EXOC2: variants seen among roughly 807,000 people sequenced by gnomAD.
EXOC2 encodes exocyst complex component 2, also known as SEC5-like 1.
Under a neutral mutation model 131.8 loss-of-function variants are expected in EXOC2, and 70 were observed. That is an observed-to-expected ratio of 0.53 (90% CI 0.44 to 0.65). The LOEUF is 0.65. Ranked by LOEUF, EXOC2 falls within the 30% of genes least tolerant of loss-of-function variation. EXOC2 has a pLI of 0.00. For missense variants in EXOC2, 923 were observed against 1,108.6 expected (o/e 0.83, Z 2.38); for synonymous variants, 411 against 398.4 (o/e 1.03, Z -0.38).
intron 22 of EXOC2, among the ~76,000 whole-genome samples, chr6:539,189 A>G (rs1766653853): frequency 6.6e-6 from 1 of 152,208 alleles, no homozygotes; most frequent in South Asian, 2.1e-4. Context: ...GTATTCAGAA[A>G]TAGACTTACT....
At chr6:546,765 A>C (rs1376262877) in intron 22 of EXOC2, among the ~76,000 whole-genome samples, 1 of 152,244 alleles carries the variant, frequency 6.6e-6, no homozygotes, top group Non-Finnish European at 1.5e-5. Flanking sequence ...ACAGTATGCA[A>C]TAGATAAACA....
intron 23 of EXOC2, among the ~76,000 whole-genome samples, chr6:512,880 T>C (rs757455366): frequency 2.0e-5 from 3 of 152,180 alleles, no homozygotes; most frequent in Admixed American, 1.3e-4. Flanking sequence ...TACAAGAATG[T>C]ATGTGAAAGC....
intron 26 of EXOC2, among the ~76,000 whole-genome samples, chr6:489,866 C>T (rs1055977393): frequency 1.3e-5 from 2 of 152,192 alleles, no homozygotes; most frequent in African/African-American, 4.8e-5. Flanking sequence ...GGGCAAGTGT[C>T]ACAGCAACAG....
intron 4 of EXOC2, among the ~76,000 whole-genome samples, chr6:625,313 G>A (rs149492188): frequency 6.6e-6 from 1 of 152,350 alleles, no homozygotes; most frequent in Non-Finnish European, 1.5e-5. Context: ...AGTGAGGCCT[G>A]GCTGCAGCGG....
chr6:638,414 T>C (rs1762201164), intron 1 of EXOC2, among the ~76,000 whole-genome samples: 1 of 152,230 alleles, frequency 6.6e-6, no homozygotes, highest in Non-Finnish European at 1.5e-5. Context: ...ATGAATTTGC[T>C]AGCTGTTGTG....
intron 17 of EXOC2, among the ~76,000 whole-genome samples, chr6:559,161 T>C (rs1458763876): frequency 1.3e-5 from 2 of 152,138 alleles, no homozygotes; most frequent in Non-Finnish European, 2.9e-5. Context: ...ATTATCCAAA[T>C]TGAAAAGAGG....
At chr6:594,032 G>A (rs993921072) in intron 10 of EXOC2, among the ~76,000 whole-genome samples, 1 of 152,222 alleles carries the variant, frequency 6.6e-6, no homozygotes, top group Non-Finnish European at 1.5e-5. Context: ...GCTGAGAGCT[G>A]CCATCTCCTC....
Position 617,835 on chromosome 6 carries a change from A to G in EXOC2, c.537T>C (p.Ser179=). 6.2e-7 allele frequency: 1 copy of G among 1,611,080 alleles called. No homozygotes were observed. Among genetic ancestry groups the G allele is most frequent in the South Asian group, 1.1e-5 (1 of 90,170 alleles). ...WYLIENHSNT[S]FEQLKMAVTN... is the part of the protein sequence containing the mutation. ...TGACTGCCATTTTGAGCTGCTCAAA[A>G]CTGAAATGAAATAAAGAAACCAAAG... Residue 179 remains serine, a splice_region_variant and synonymous_variant, in exon 6 of 28, where the codon AGT becomes AGC. Coordinates refer to ENST00000230449, the MANE Select transcript of EXOC2 (RefSeq NM_018303.6).
chr6:521,986 T>C (rs1581360454), intron 23 of EXOC2, among the ~76,000 whole-genome samples: 2 of 152,184 alleles, frequency 1.3e-5, no homozygotes, highest in African/African-American at 4.8e-5. Flanking sequence ...CAAGGGTAAA[T>C]TTCGTATTTT....
chr6:509,216 T>C (rs1764721420), intron 23 of EXOC2, among the ~76,000 whole-genome samples: 1 of 152,252 alleles, frequency 6.6e-6, no homozygotes, highest in Non-Finnish European at 1.5e-5. Flanking sequence ...ACCATTCTCC[T>C]ACTATGGGGA....
chr6:510,495 T>A (rs547039612), intron 23 of EXOC2, among the ~76,000 whole-genome samples: 1 of 152,304 alleles, frequency 6.6e-6, no homozygotes, highest in South Asian at 2.1e-4. Context: ...AAAATAACAG[T>A]GAAATGGTTA....
At chr6:675,972 TC>T (rs1192629304) in intron 1 of EXOC2, among the ~76,000 whole-genome samples, 2 of 124,232 alleles carry the variant, frequency 1.6e-5, no homozygotes, top group African/African-American at 5.9e-5. Flanking sequence ...CTCTGGAGAC[TC>T]TGAGGTTCCC....
chr6:496,678 T>C (rs1369870404), intron 25 of EXOC2, among the ~76,000 whole-genome samples: 1 of 152,148 alleles, frequency 6.6e-6, no homozygotes, highest in Non-Finnish European at 1.5e-5. Flanking sequence ...CCACCAATGG[T>C]CGTTCTCTGG....
intron 21 of EXOC2, 51 bp downstream of exon 21, chr6:553,800 ATTG>A (rs1757273943): frequency 6.7e-7 from 1 of 1,489,504 alleles, no homozygotes; most frequent in African/African-American, 1.4e-5. Context: ...GATTTGCGAA[ATTG>A]TTGTTACACA....
At position 637,705 on chromosome 6, in the gene EXOC2, G is replaced by C. The variant is rs774349334; in HGVS notation, c.114C>G (p.Leu38=). 6.2e-7 allele frequency: 1 copy of C among 1,612,152 alleles called. No homozygotes were observed. The highest frequency in any genetic ancestry group is 8.5e-7 in the Non-Finnish European group (1 of 1,179,266). The stretch of plus-strand genomic sequence containing the variant: ...TCGCAGGGCCTCTGCCCTTACCTAT[G>C]AGGTCGGTGGGGCCAGTCCCCAGAT... ...GENLGTGPTD[L]IGLTICGHNC... is the part of the protein sequence containing the mutation. Residue 38 remains leucine, a synonymous_variant, in exon 2 of 28, where the codon CTC becomes CTG. Transcript: ENST00000230449.
chr6:684,715 A>AG (rs1764564648), intron 1 of EXOC2, among the ~76,000 whole-genome samples: 1 of 152,230 alleles, frequency 6.6e-6, no homozygotes, highest in African/African-American at 2.4e-5. Context: ...ATTTACTACT[A>AG]GAAAAAAAGA....
In EXOC2 at chr6:687,238, G is replaced by A. The variant is rs115817799; in HGVS notation, c.-44+5781C>T. On this transcript the variant is annotated intron_variant, in intron 1 of 27. Coordinates refer to ENST00000230449, the MANE Select transcript of EXOC2 (RefSeq NM_018303.6). Reference sequence around the variant, plus strand: ...GTCACCCAGGCTGCTGGAGTGCAGTGGTGCAATCATAGCTCACTGCAGCCT... The same window carrying A: ...GTCACCCAGGCTGCTGGAGTGCAGTAGTGCAATCATAGCTCACTGCAGCCT... Among the ~76,000 whole-genome samples the A allele has an allele frequency of 6.1e-3, 837 of 137,298 alleles. 7 individuals are homozygous for A. The highest frequency in any genetic ancestry group is 0.021 in the African/African-American group (768 of 36,446). The allele number at this position is 137,298 out of a possible 152,430, so 90.1% of individuals were successfully genotyped here. A position where few individuals can be genotyped will look rare whatever the true frequency, so the allele number is the denominator to read the frequency against.
intron 4 of EXOC2, among the ~76,000 whole-genome samples, chr6:626,297 G>A (rs1344627097): frequency 1.3e-5 from 2 of 152,122 alleles, no homozygotes; most frequent in Admixed American, 6.5e-5. Flanking sequence ...CAAATGCCAC[G>A]TTGTTAAACT....
chr6:686,621 C>T (rs778394333), intron 1 of EXOC2, among the ~76,000 whole-genome samples: 55 of 152,184 alleles, frequency 3.6e-4, no homozygotes, highest in Non-Finnish European at 7.4e-4. Flanking sequence ...ATATATATAC[C>T]GGATTACTCA....
Sources: allele counts gnomAD v4.1 joint callset (sites outside exome capture counted in the v4.1 genomes callset), GRCh38; gene constraint gnomAD v4.1.1; transcripts MANE v1.5; gene names NCBI Gene and HGNC (gene_info 2026-07-23, HGNC 2026-07-21).